The following CNTNAP4 variants were observed in gnomAD, a reference collection of about 807,000 sequenced individuals.
The protein encoded by CNTNAP4 is contactin-associated protein-like 4.
A neutral mutation model predicts 148.4 loss-of-function variants in CNTNAP4; 98 were observed. The observed-to-expected ratio is 0.66, with a 90% CI of 0.56 to 0.78. CNTNAP4 has a LOEUF of 0.78. Among genes scored for constraint, CNTNAP4 ranks in the 30% least tolerant of loss-of-function variants. The pLI is 0.00. For synonymous variants in CNTNAP4, 730 were observed against 565.1 expected, an observed-to-expected ratio of 1.29 and a Z score of -4.14; for missense variants, 1,935 against 1,565.6, an observed-to-expected ratio of 1.24 and a Z score of -3.98.
chr16:76,413,460 A>C (rs1375477712), intron 3 of CNTNAP4, among the ~76,000 whole-genome samples: 2 of 151,334 alleles, frequency 1.3e-5, no homozygotes, highest in African/African-American at 4.8e-5. Flanking sequence ...ATACATGCTG[A>C]ATCTGTTTCT....
chr16:76,452,922 T>G (rs953563487), intron 8 of CNTNAP4, among the ~76,000 whole-genome samples, 153 bp downstream of exon 8: 8 of 152,254 alleles, frequency 5.3e-5, no homozygotes, highest in Non-Finnish European at 1.0e-4. Context: ...TTAGAGGAAC[T>G]TGATTCCAAT....
At chr16:76,407,912 C>T (rs8062270) in intron 3 of CNTNAP4, among the ~76,000 whole-genome samples, 2,208 of 152,060 alleles carry the variant, frequency 0.015, 58 homozygotes, top group African/African-American at 0.046. Context: ...ATGTGGCAAA[C>T]TTCATTGTTT....
intron 20 of CNTNAP4, among the ~76,000 whole-genome samples, chr16:76,540,249 A>C (rs2084392237): frequency 1.3e-5 from 2 of 152,152 alleles, no homozygotes; most frequent in African/African-American, 4.8e-5. Flanking sequence ...GGAATTATTC[A>C]TGGAGCCAGT....
intron 2 of CNTNAP4, among the ~76,000 whole-genome samples, chr16:76,327,686 G>A (rs1963130161): frequency 6.6e-6 from 1 of 152,092 alleles, no homozygotes; most frequent in Admixed American, 6.5e-5. Flanking sequence ...CCTTCCCCTG[G>A]GAGTCCACTG....
chr16:76,306,023 G>T (rs1960442860), intron 1 of CNTNAP4, among the ~76,000 whole-genome samples: 1 of 152,152 alleles, frequency 6.6e-6, no homozygotes, highest in South Asian at 2.1e-4. Flanking sequence ...ATATTCCATG[G>T]TATATATGTA....
intron 5 of CNTNAP4, 108 bp downstream of exon 5, chr16:76,448,323 G>A (rs2080326767): frequency 1.4e-6 from 1 of 735,546 alleles, no homozygotes; most frequent in African/African-American, 1.8e-5. Flanking sequence ...CTTATTTTCA[G>A]ATTCAAGGGC....
At position 76,467,426 on chromosome 16, in the gene CNTNAP4, T is replaced by C. The variant is rs767080705; in HGVS notation, c.1558T>C (p.Ser520Pro). 1.2e-6 allele frequency: 2 copies of C among 1,613,900 alleles called. No individual in the cohort carries two copies. Among genetic ancestry groups the C allele is most frequent in the Non-Finnish European group, 1.7e-6 (2 of 1,179,856 alleles). ...ATTTCAGGGATGTATGAGGCTCATT[T>C]CTATCAGCGGCAAAGTGGTAGATCT... ...GGFQGCMRLISISGKVVDLIS... is the reference protein window; with the variant it reads ...GGFQGCMRLIPISGKVVDLIS... The change falls in exon 10 of 24, where the codon TCT becomes CCT. Residue 520 changes from serine (S) to proline (P), a missense_variant. By Grantham distance (74) the Ser-to-Pro change is moderately conservative (BLOSUM62 -1). Coordinates refer to ENST00000611870, the MANE Select transcript of CNTNAP4 (RefSeq NM_033401.5).
At chr16:76,297,097 T>C (rs1383275409) in intron 1 of CNTNAP4, among the ~76,000 whole-genome samples, 1 of 152,200 alleles carries the variant, frequency 6.6e-6, no homozygotes, top group African/African-American at 2.4e-5. Context: ...GGGAAATCTC[T>C]TTTTCAAAAA....
rs1428385158 is a variant in CNTNAP4 at position 76,434,863 on chromosome 16, A to G, written c.538+7264A>G. ...AGTCTGGGGACGCACTGGACCTACT[A>G]TAAGTCACACTTGAGCTAGAACTCC... On this transcript the variant is annotated intron_variant, in intron 4 of 23. Transcript: ENST00000611870. Among the ~76,000 whole-genome samples the G allele has an allele frequency of 6.6e-5, 10 of 152,254 alleles. No homozygotes were observed. In the East Asian group the frequency reaches 1.9e-3, roughly 29 times the overall value.
intron 1 of CNTNAP4, among the ~76,000 whole-genome samples, chr16:76,289,931 C>G (rs1959045821): frequency 6.6e-6 from 1 of 152,150 alleles, no homozygotes; most frequent in Non-Finnish European, 1.5e-5. Flanking sequence ...AAACCCATCA[C>G]TTGTATTTAG....
intron 3 of CNTNAP4, among the ~76,000 whole-genome samples, chr16:76,361,262 C>G (rs2013407852): frequency 6.6e-6 from 1 of 152,174 alleles, no homozygotes; most frequent in Admixed American, 6.5e-5. Context: ...TTTTGCTTAA[C>G]TGGAACATTT....
At chr16:76,324,063 G>A (rs866260070) in intron 2 of CNTNAP4, among the ~76,000 whole-genome samples, 1 of 152,132 alleles carries the variant, frequency 6.6e-6, no homozygotes, top group African/African-American at 2.4e-5. Flanking sequence ...AAGCATGTGA[G>A]TAAGAGAAAT....
chr16:76,431,596 T>C (rs2079607006), intron 4 of CNTNAP4, among the ~76,000 whole-genome samples: 1 of 152,062 alleles, frequency 6.6e-6, no homozygotes, highest in African/African-American at 2.4e-5. Flanking sequence ...GGAGAATCAC[T>C]TGAACCCAGG....
chr16:76,540,407 C>T (rs1216065114), intron 20 of CNTNAP4, among the ~76,000 whole-genome samples: 2 of 151,740 alleles, frequency 1.3e-5, no homozygotes, highest in African/African-American at 4.8e-5. Context: ...ATTTTGGATT[C>T]CTTATCCAGT....
intron 1 of CNTNAP4, among the ~76,000 whole-genome samples, chr16:76,293,234 C>T (rs73619283): frequency 7.6e-4 from 115 of 152,216 alleles, no homozygotes; most frequent in African/African-American, 2.4e-3. Context: ...GAGCGATTCT[C>T]CTGCCTCAGC....
At chr16:76,503,511 A>G (rs1378260128) in intron 15 of CNTNAP4, among the ~76,000 whole-genome samples, 1 of 152,192 alleles carries the variant, frequency 6.6e-6, no homozygotes, top group Non-Finnish European at 1.5e-5. Flanking sequence ...TTCAAGGTCA[A>G]TATTCAAAAG....
At chr16:76,426,242 T>C (rs1876274) in intron 3 of CNTNAP4, among the ~76,000 whole-genome samples, 62,395 of 151,974 alleles carry the variant, frequency 0.41, 13,240 homozygotes, top group Non-Finnish European at 0.45. Context: ...TGGTAAATGA[T>C]AGTAAGGGAA....
chr16:76,317,758 A>G (rs1186607028), intron 2 of CNTNAP4, among the ~76,000 whole-genome samples: 1 of 152,118 alleles, frequency 6.6e-6, no homozygotes. Context: ...TCTGGTATAC[A>G]TAATATATAT....
intron 2 of CNTNAP4, among the ~76,000 whole-genome samples, chr16:76,339,121 G>A (rs1964258373): frequency 1.3e-5 from 2 of 152,140 alleles, no homozygotes; most frequent in Admixed American, 6.5e-5. Flanking sequence ...ATCAGAATAT[G>A]CGATTAGGGA....
Sources: allele counts gnomAD v4.1 joint callset (sites outside exome capture counted in the v4.1 genomes callset), GRCh38; gene constraint gnomAD v4.1.1; transcripts MANE v1.5; gene names NCBI Gene and HGNC (gene_info 2026-07-23, HGNC 2026-07-21).